Variants in WWOX observed in about 807,000 individuals in gnomAD.
The protein encoded by WWOX is WW domain-containing oxidoreductase.
In WWOX, 69 loss-of-function variants were observed where a neutral mutation model predicts 46.2. That is an observed-to-expected ratio of 1.49 (90% CI 1.23 to 1.82). The LOEUF is 1.82. WWOX is among the 40% of genes most tolerant of loss of function. The probability of loss-of-function intolerance (pLI) is 0.00; values close to 1 mark genes in which losing one functional copy is unlikely to be tolerated. For missense variants in WWOX, 919 were observed against 542.6 expected (o/e 1.69, Z -6.89); for synonymous variants, 359 against 202.6 (o/e 1.77, Z -6.56).
At chr16:79,167,870 A>G (rs1487476884) in intron 8 of WWOX, among the ~76,000 whole-genome samples, 2 of 152,076 alleles carry the variant, frequency 1.3e-5, no homozygotes, top group African/African-American at 4.8e-5. Context: ...CACCCCAGAA[A>G]AGCATACACA....
At chr16:78,959,474 G>T (rs1358022559) in intron 8 of WWOX, among the ~76,000 whole-genome samples, 1 of 152,166 alleles carries the variant, frequency 6.6e-6, no homozygotes, top group Non-Finnish European at 1.5e-5. Context: ...CCTTCACAGG[G>T]TTAGCCATCC....
At chr16:78,244,868 C>T (rs957339714) in intron 5 of WWOX, among the ~76,000 whole-genome samples, 2 of 152,026 alleles carry the variant, frequency 1.3e-5, no homozygotes, top group African/African-American at 4.8e-5. Flanking sequence ...ATTTCTCATA[C>T]ACAATAGGGA....
intron 8 of WWOX, among the ~76,000 whole-genome samples, chr16:78,446,990 C>T (rs1278392810): frequency 6.6e-6 from 1 of 152,046 alleles, no homozygotes; most frequent in South Asian, 2.1e-4. Context: ...ATGCTGTGCC[C>T]TGTGCTTTTC....
intron 8 of WWOX, among the ~76,000 whole-genome samples, chr16:78,504,413 A>G (rs577603666): frequency 2.0e-5 from 3 of 152,330 alleles, no homozygotes; most frequent in African/African-American, 7.2e-5. Flanking sequence ...AGCAAGCTTG[A>G]TCTCTCAGAA....
chr16:79,060,755 C>G (rs1158038063), intron 8 of WWOX, among the ~76,000 whole-genome samples: 2 of 152,172 alleles, frequency 1.3e-5, no homozygotes, highest in South Asian at 2.1e-4. Context: ...AGTCCATATT[C>G]TCTGTTTTTT....
At position 78,798,497 on chromosome 16, in the gene WWOX, C is replaced by G. The variant is rs539343002; in HGVS notation, c.1056+365745C>G. Among the ~76,000 whole-genome samples, 8 of 151,902 alleles carry G rather than the reference C, an allele frequency of 5.3e-5. No homozygotes were observed. In the East Asian group the frequency reaches 7.7e-4, roughly 15 times the overall value. ...TCATGCCCCAGAAATTATTGTACAGCCTGTACTTGAGTCCTTAGACAGAAA... is the reference window on the plus strand; with the variant it reads ...TCATGCCCCAGAAATTATTGTACAGGCTGTACTTGAGTCCTTAGACAGAAA... On this transcript the variant is annotated intron_variant, in intron 8 of 8. Coordinates refer to ENST00000566780, the MANE Select transcript of WWOX (RefSeq NM_016373.4).
chr16:78,685,614 A>G (rs2047836252), intron 8 of WWOX, among the ~76,000 whole-genome samples: 1 of 152,274 alleles, frequency 6.6e-6, no homozygotes, highest in Non-Finnish European at 1.5e-5. Flanking sequence ...TGTATATTTC[A>G]CATGGCCATA....
intron 8 of WWOX, among the ~76,000 whole-genome samples, chr16:78,435,370 C>T (rs1288886752): frequency 6.6e-6 from 1 of 152,210 alleles, no homozygotes; most frequent in Non-Finnish European, 1.5e-5. Flanking sequence ...ATTTCCCTGG[C>T]AGGAGAGCTC....
chr16:78,112,371 G>A (rs1035052613), intron 3 of WWOX, among the ~76,000 whole-genome samples: 63 of 152,146 alleles, frequency 4.1e-4, no homozygotes, highest in African/African-American at 1.4e-3. Context: ...ATCAGTTTGT[G>A]TAATAGTAGC....
intron 8 of WWOX, among the ~76,000 whole-genome samples, chr16:78,787,741 A>T (rs1407277269): frequency 6.6e-6 from 1 of 152,208 alleles, no homozygotes; most frequent in African/African-American, 2.4e-5. Context: ...AGGAGCCACC[A>T]AATTGTTTTC....
chr16:78,181,159 G>A (rs1408341557), intron 5 of WWOX, among the ~76,000 whole-genome samples: 2 of 152,104 alleles, frequency 1.3e-5, no homozygotes, highest in African/African-American at 4.8e-5. Context: ...GACACACGAA[G>A]GGGAGGTGGA....
At chr16:78,540,483 G>A (rs1204906816) in intron 8 of WWOX, among the ~76,000 whole-genome samples, 1 of 152,008 alleles carries the variant, frequency 6.6e-6, no homozygotes, top group African/African-American at 2.4e-5. Flanking sequence ...TCATTGATGT[G>A]GGGTAAAATG....
chr16:78,224,481 TG>T (rs2036987642), intron 5 of WWOX, among the ~76,000 whole-genome samples: 1 of 152,144 alleles, frequency 6.6e-6, no homozygotes, highest in Non-Finnish European at 1.5e-5. Context: ...AGTATTTCTG[TG>T]TCACTAAATC....
Position 78,378,492 on chromosome 16 carries a change from T to G in WWOX, c.517-8368T>G, listed in dbSNP as rs139332265. Among the ~76,000 whole-genome samples, 31 of 152,308 alleles carry G rather than the reference T, an allele frequency of 2.0e-4. No individual in the cohort carries two copies. In the East Asian group the frequency reaches 6.0e-3, roughly 29 times the overall value. The stretch of plus-strand genomic sequence containing the variant: ...CACCCATTGCCACCGTTACCATTAC[T>G]TAAATAATATTAGAGGAATTAGTGT... On this transcript the variant is annotated intron_variant, in intron 5 of 8. Transcript: ENST00000566780.
At position 78,421,243 on chromosome 16, in the gene WWOX, A is replaced by C. The variant is rs558396196; in HGVS notation, c.606-3627A>C. On this transcript the variant is annotated intron_variant, in intron 6 of 8. Transcript: ENST00000566780. ...TTCAGAGACCAAACATCTGAAATCA[A>C]GTGGTTTGCAGCGTTGGCTCCTTCT... Among the ~76,000 whole-genome samples, 4 of 152,322 alleles carry C rather than the reference A, an allele frequency of 2.6e-5. No homozygotes were observed. The East Asian group carries it at 7.7e-4, about 29-fold the overall frequency.
At chr16:78,808,746 A>C (rs1234138913) in intron 8 of WWOX, among the ~76,000 whole-genome samples, 2 of 152,196 alleles carry the variant, frequency 1.3e-5, no homozygotes, top group Non-Finnish European at 2.9e-5. Flanking sequence ...AAAGATGAGT[A>C]AATTGAGATG....
chr16:78,827,137 A>C (rs1232235103), intron 8 of WWOX, among the ~76,000 whole-genome samples: 2 of 152,108 alleles, frequency 1.3e-5, no homozygotes, highest in Admixed American at 6.6e-5. Flanking sequence ...TGTGGGGGCT[A>C]AATCAAATTT....
At chr16:78,596,347 T>C (rs1033921395) in intron 8 of WWOX, among the ~76,000 whole-genome samples, 1 of 152,124 alleles carries the variant, frequency 6.6e-6, no homozygotes, top group African/African-American at 2.4e-5. Flanking sequence ...GTCAAGGTCT[T>C]GGCCCTTCAA....
intron 5 of WWOX, among the ~76,000 whole-genome samples, chr16:78,328,571 G>T (rs577895154): frequency 6.6e-6 from 1 of 152,288 alleles, no homozygotes; most frequent in South Asian, 2.1e-4. Context: ...TTTATTGTAG[G>T]CCTGTATTCA....
Sources: allele counts gnomAD v4.1 joint callset (sites outside exome capture counted in the v4.1 genomes callset), GRCh38; gene constraint gnomAD v4.1.1; transcripts MANE v1.5; gene names NCBI Gene and HGNC (gene_info 2026-07-23, HGNC 2026-07-21).